The following SLC22A9 variants were observed in gnomAD, a reference collection of about 807,000 sequenced individuals.
SLC22A9 encodes solute carrier family 22 member 9.
In SLC22A9, 64 loss-of-function variants were observed where a neutral mutation model predicts 50.1. That is an observed-to-expected ratio of 1.28 (90% CI 1.04 to 1.57). The LOEUF is 1.57. Ranked by LOEUF, SLC22A9 falls within the 40% of genes most tolerant of loss-of-function variation. The pLI is 0.00. For synonymous variants in SLC22A9, 261 were observed against 242.5 expected (o/e 1.08, Z -0.71); for missense variants, 757 against 676.1 (o/e 1.12, Z -1.33).
At chr11:63,409,026 C>A in intron 9 of SLC22A9, 147 bp downstream of exon 9, 1 of 815,322 alleles carries the variant, frequency 1.2e-6, no homozygotes, top group Non-Finnish European at 2.0e-6. Context: ...GGTCTAGGTA[C>A]AGCCACATGC....
intron 6 of SLC22A9, among the ~76,000 whole-genome samples, chr11:63,384,563 C>G (rs1426476837): frequency 6.6e-6 from 1 of 152,088 alleles, no homozygotes; most frequent in Non-Finnish European, 1.5e-5. Context: ...TGGGTTGATT[C>G]CATGTCTTTG....
chr11:63,381,635 G>T (rs368617276), intron 5 of SLC22A9, among the ~76,000 whole-genome samples: 20 of 152,064 alleles, frequency 1.3e-4, no homozygotes, highest in African/African-American at 4.1e-4. Context: ...ATTCCTCATG[G>T]AAGCATGAGA....
intron 6 of SLC22A9, among the ~76,000 whole-genome samples, chr11:63,389,384 A>G (rs1157104671): frequency 7.8e-6 from 1 of 128,956 alleles, no homozygotes; most frequent in Non-Finnish European, 1.6e-5. Flanking sequence ...CCCTGTGTCC[A>G]TGTGTTCTCA....
At chr11:63,388,342 C>T (rs2014704386) in intron 6 of SLC22A9, among the ~76,000 whole-genome samples, 1 of 150,542 alleles carries the variant, frequency 6.6e-6, no homozygotes. Context: ...GTATGTTCTT[C>T]TATGCCCAGT....
In SLC22A9 at chr11:63,369,924, G is replaced by A. The variant is rs890805528; in HGVS notation, c.-133G>A. On this transcript the variant is annotated 5_prime_UTR_variant, in exon 1 of 10. Transcript: ENST00000279178. ...GGTCCTGCTGCAGAGGGGAAGCACAGTCGTCAAGAAGAGAGTGGGGTCAGG... is the reference window on the plus strand; with the variant it reads ...GGTCCTGCTGCAGAGGGGAAGCACAATCGTCAAGAAGAGAGTGGGGTCAGG... 2 of 903,156 alleles carry A rather than the reference G, an allele frequency of 2.2e-6. No homozygotes were observed. The highest frequency in any genetic ancestry group is 6.0e-5 in the Admixed American group (2 of 33,476). 55.9% of individuals were successfully genotyped at this position (903,156 alleles called of 1,614,324 possible). A position where few individuals can be genotyped will look rare whatever the true frequency, so the allele number is the denominator to read the frequency against.
intron 6 of SLC22A9, among the ~76,000 whole-genome samples, chr11:63,390,078 C>G (rs1320513451): frequency 6.6e-6 from 1 of 152,038 alleles, no homozygotes; most frequent in African/African-American, 2.4e-5. Flanking sequence ...GATATTAGGC[C>G]TTTGTCAGAT....
chr11:63,409,601 A>C (rs114237801), intron 9 of SLC22A9, among the ~76,000 whole-genome samples: 2,129 of 152,234 alleles, frequency 0.014, 53 homozygotes, highest in African/African-American at 0.048. Flanking sequence ...GAAAGTATCC[A>C]AGCTGCCTTC....
At position 63,370,295 on chromosome 11, in the gene SLC22A9, A is replaced by G. The variant is rs139996395; in HGVS notation, c.239A>G (p.Asp80Gly). ...CTCTTGAGAATCTCCATCCCACTGG[A>G]CTCAAACATGAGGCCAGAGAAGTGT... Reference protein sequence around the residue: ...DALLRISIPLDSNMRPEKCRR... With the variant: ...DALLRISIPLGSNMRPEKCRR... Residue 80 changes from aspartate to glycine, a missense_variant, in exon 1 of 10, where the codon GAC (aspartate) becomes GGC (glycine). Physicochemically the swap from Asp to Gly is moderately conservative, Grantham distance 94. Transcript: ENST00000279178. 646 of 1,613,948 alleles carry G rather than the reference A, an allele frequency of 4.0e-4. No individual in the cohort carries two copies. Among genetic ancestry groups the G allele is most frequent in the Non-Finnish European group, 5.3e-4 (623 of 1,179,888 alleles).
rs541864228 is a variant in SLC22A9 at position 63,378,668 on chromosome 11, A to T, written c.954+2900A>T. Among the ~76,000 whole-genome samples the T allele has an allele frequency of 1.1e-4, 17 of 152,326 alleles. No individual in the cohort carries two copies. In the East Asian group the frequency reaches 2.5e-3, roughly 22 times the overall value. On this transcript the variant is annotated intron_variant, in intron 5 of 9. Coordinates refer to ENST00000279178, the MANE Select transcript of SLC22A9 (RefSeq NM_080866.3). ...CCTTGATCTGGTAAACAATTTTAGC[A>T]AAGTTTCAGGATACAAAATCAATGT...
At position 63,410,019 on chromosome 11, in the gene SLC22A9, T is replaced by C. The variant is rs1263306432; in HGVS notation, c.*157T>C. On this transcript the variant is annotated 3_prime_UTR_variant, in exon 10 of 10. Transcript: ENST00000279178. The stretch of plus-strand genomic sequence containing the variant: ...ACCTTGGGAGGCTGAGGCGGGCAGA[T>C]CATGAGGTCAGAAGATAAAGACCAC... 2 of 669,470 alleles carry C rather than the reference T, an allele frequency of 3.0e-6. No homozygotes were observed. Among genetic ancestry groups the C allele is most frequent in the Non-Finnish European group, 4.9e-6 (2 of 405,198 alleles). 41.5% of individuals were successfully genotyped at this position (669,470 alleles called of 1,614,324 possible).
rs546930750 is a variant in SLC22A9 at position 63,372,634 on chromosome 11, T to C, written c.507-1010T>C. On this transcript the variant is annotated intron_variant, in intron 2 of 9. Coordinates refer to ENST00000279178, the MANE Select transcript of SLC22A9 (RefSeq NM_080866.3). The stretch of plus-strand genomic sequence containing the variant: ...GGTAAGACTGACATTTTTTAAATAC[T>C]GAATTTTCTGATCTATAAATATAAT... Among the ~76,000 whole-genome samples the C allele has an allele frequency of 1.1e-4, 16 of 152,272 alleles. No homozygotes were observed. The East Asian group carries it at 2.5e-3, about 24-fold the overall frequency.
intron 8 of SLC22A9, among the ~76,000 whole-genome samples, 159 bp downstream of exon 8, chr11:63,408,379 T>G (rs1183763339): frequency 6.6e-6 from 1 of 152,232 alleles, no homozygotes; most frequent in East Asian, 1.9e-4. Context: ...TCAAGCTGAC[T>G]TTTTGCCACT....
chr11:63,408,617 C>T (rs866641433), intron 8 of SLC22A9, 59 bp from the exon 9 acceptor site: 2 of 1,484,328 alleles, frequency 1.3e-6, no homozygotes, highest in South Asian at 2.4e-5. Flanking sequence ...AATGATAAAT[C>T]ACAAATTGCC....
chr11:63,384,934 A>C (rs1383279634), intron 6 of SLC22A9, among the ~76,000 whole-genome samples: 2 of 151,996 alleles, frequency 1.3e-5, no homozygotes, highest in Non-Finnish European at 2.9e-5. Flanking sequence ...ACATGAACGT[A>C]TGCTTTTGAG....
intron 7 of SLC22A9, 142 bp from the exon 8 acceptor site, chr11:63,407,970 C>A: frequency 1.7e-6 from 1 of 588,116 alleles, no homozygotes; most frequent in Non-Finnish European, 3.0e-6. Context: ...AGCCACTGCA[C>A]ATTCTTTGCC....
chr11:63,375,835 A>G (rs2014452548), intron 5 of SLC22A9, 67 bp downstream of exon 5: 1 of 1,575,630 alleles, frequency 6.3e-7, no homozygotes, highest in Non-Finnish European at 8.6e-7. Flanking sequence ...ACTTAGCAGT[A>G]GCAGTGTCCA....
In SLC22A9 at chr11:63,389,331, C is replaced by T. The variant is rs190281301; in HGVS notation, c.1073+7054C>T. Among the ~76,000 whole-genome samples the T allele has an allele frequency of 6.1e-3, 921 of 151,506 alleles. 10 individuals are homozygous for T. Among genetic ancestry groups the T allele is most frequent in the African/African-American group, 0.02 (842 of 41,314 alleles). ...ATTTGTCTTAATGCTATCCCTCCCC[C>T]TTCCCCCAACCCCCGACAGGCCCCA... is the stretch of plus-strand genomic sequence containing the variant. On this transcript the variant is annotated intron_variant, in intron 6 of 9. Coordinates refer to ENST00000279178, the MANE Select transcript of SLC22A9 (RefSeq NM_080866.3).
At chr11:63,370,542 G>T in intron 1 of SLC22A9, 84 bp downstream of exon 1, 1 of 1,451,354 alleles carries the variant, frequency 6.9e-7, no homozygotes, top group Non-Finnish European at 9.2e-7. Flanking sequence ...CCAGCCTTCA[G>T]TCACATGTAG....
intron 7 of SLC22A9, among the ~76,000 whole-genome samples, chr11:63,407,330 T>G (rs1219420094): frequency 6.6e-6 from 1 of 152,184 alleles, no homozygotes; most frequent in Non-Finnish European, 1.5e-5. Context: ...ACTGATCATA[T>G]GTAATAAGTA....
Sources: gnomAD v4.1 joint callset for allele counts (sites outside exome capture counted in the v4.1 genomes callset) on GRCh38, gnomAD v4.1.1 for gene constraint, MANE v1.5 for transcripts, NCBI Gene and HGNC (gene_info 2026-07-23, HGNC 2026-07-21) for gene names.